The following CAMK2D variants were observed in gnomAD, a reference collection of about 807,000 sequenced individuals.
CAMK2D encodes calcium/calmodulin-dependent protein kinase type II subunit delta.
In CAMK2D, 37 loss-of-function variants were observed where a neutral mutation model predicts 84.0. The ratio of observed to expected loss-of-function variants is 0.44; its 90% confidence interval spans 0.34 to 0.58. The LOEUF is 0.58. Ranked by LOEUF, CAMK2D falls within the 20% of genes least tolerant of loss-of-function variation. The pLI, the probability that CAMK2D is intolerant of heterozygous loss-of-function variation, is 0.02. For missense variants in CAMK2D, 448 were observed against 652.5 expected, an observed-to-expected ratio of 0.69 and a Z score of 3.41; for synonymous variants, 202 against 212.5, an observed-to-expected ratio of 0.95 and a Z score of 0.43.
At chr4:113,651,698 A>AT (rs1415919580) in intron 3 of CAMK2D, among the ~76,000 whole-genome samples, 1 of 152,156 alleles carries the variant, frequency 6.6e-6, no homozygotes, top group African/African-American at 2.4e-5. Flanking sequence ...CATTGTACAA[A>AT]TTATATTAAT....
intron 3 of CAMK2D, among the ~76,000 whole-genome samples, chr4:113,650,390 G>A (rs1447991053): frequency 6.6e-6 from 1 of 151,470 alleles, no homozygotes; most frequent in African/African-American, 2.4e-5. Flanking sequence ...GGTGGTGCAT[G>A]CCTGTAATCC....
intron 7 of CAMK2D, among the ~76,000 whole-genome samples, chr4:113,533,973 T>C (rs2098474007): frequency 6.6e-6 from 1 of 152,040 alleles, no homozygotes; most frequent in African/African-American, 2.4e-5. Context: ...ATACATACTA[T>C]GTTTTTTCTT....
chr4:113,707,716 G>C (rs749012231), intron 2 of CAMK2D, among the ~76,000 whole-genome samples: 17 of 152,188 alleles, frequency 1.1e-4, no homozygotes, highest in Non-Finnish European at 2.4e-4. Context: ...TACTCCAAAT[G>C]ATAGGGGGCA....
chr4:113,500,176 C>T (rs963947356), intron 16 of CAMK2D, among the ~76,000 whole-genome samples: 1 of 152,022 alleles, frequency 6.6e-6, no homozygotes, highest in African/African-American at 2.4e-5. Flanking sequence ...TTGTTATGTT[C>T]CTATAACTAG....
intron 4 of CAMK2D, among the ~76,000 whole-genome samples, chr4:113,556,268 G>C (rs934525167): frequency 4.6e-5 from 7 of 152,152 alleles, no homozygotes; most frequent in Admixed American, 1.3e-4. Flanking sequence ...ACAAAAGAAA[G>C]GAAAAGGACT....
Position 113,492,392 on chromosome 4 carries a change from A to G in CAMK2D, c.1135+8071T>C, listed in dbSNP as rs1380658636. Among the ~76,000 whole-genome samples, 23 of 152,088 alleles carry G rather than the reference A, an allele frequency of 1.5e-4. No homozygotes were observed. In the South Asian group the frequency reaches 4.6e-3, roughly 30 times the overall value. On this transcript the variant is annotated intron_variant, in intron 16 of 20. Coordinates refer to ENST00000511664, the MANE Select transcript of CAMK2D (RefSeq NM_001321571.2). ...ACATCTTTATTTCTGCCTTCATTTC[A>G]CTATGTACCCAGTAGTCATTCAGGA... is the stretch of plus-strand genomic sequence containing the variant.
intron 12 of CAMK2D, among the ~76,000 whole-genome samples, chr4:113,511,989 T>TAAC (rs1300210426): frequency 6.6e-6 from 1 of 152,184 alleles, no homozygotes; most frequent in Middle Eastern, 3.2e-3. Context: ...TATTACCTGA[T>TAAC]AACACTATAA....
chr4:113,761,410 A>G lies in CAMK2D; in HGVS notation c.-342T>C, dbSNP rs8175. On this transcript the variant is annotated 5_prime_UTR_variant, in exon 1 of 21. Transcript: ENST00000511664. Reference sequence around the variant, plus strand: ...TCAAGAAGAGGGGGCCGGGAAATGGAAAAACAGCCAGGCACGGGACGAGTG... The same window carrying G: ...TCAAGAAGAGGGGGCCGGGAAATGGGAAAACAGCCAGGCACGGGACGAGTG... 143,758 of 1,224,870 alleles carry G rather than the reference A, an allele frequency of 0.12. 9,006 individuals are homozygous for G. Among genetic ancestry groups the G allele is most frequent in the Middle Eastern group, 0.18 (514 of 2,882 alleles). 75.9% of individuals were successfully genotyped at this position (1,224,870 alleles called of 1,614,324 possible).
At chr4:113,666,432 T>A (rs1016311) in intron 2 of CAMK2D, among the ~76,000 whole-genome samples, 10,457 of 152,122 alleles carry the variant, frequency 0.069, 571 homozygotes, top group East Asian at 0.22. Context: ...TGTAATCCAG[T>A]GAAGTCCTCA....
At chr4:113,584,812 C>G (rs1189383316) in intron 4 of CAMK2D, among the ~76,000 whole-genome samples, 4 of 151,972 alleles carry the variant, frequency 2.6e-5, no homozygotes, top group African/African-American at 9.7e-5. Context: ...AACACAATAG[C>G]TAAGCAACAA....
At chr4:113,617,331 C>A (rs1453139033) in intron 3 of CAMK2D, among the ~76,000 whole-genome samples, 1 of 151,828 alleles carries the variant, frequency 6.6e-6, no homozygotes, top group African/African-American at 2.4e-5. Context: ...GGTGTGGTCA[C>A]CCATGCCTGT....
chr4:113,454,489 T>G lies in CAMK2D; in HGVS notation c.*56A>C, dbSNP rs1564346336. The G allele has an allele frequency of 1.3e-6, 1 of 778,860 alleles. No individual in the cohort carries two copies. 48.2% of individuals were successfully genotyped at this position (778,860 alleles called of 1,614,324 possible). On this transcript the variant is annotated 3_prime_UTR_variant, in exon 21 of 21. Coordinates refer to ENST00000511664, the MANE Select transcript of CAMK2D (RefSeq NM_001321571.2). ...ATCCAGGTGCCTTGAGAACAGAGAA[T>G]GCAGAAGTGGCACTGTTGAAATTTA...
At chr4:113,603,194 T>C (rs1451920834) in intron 4 of CAMK2D, among the ~76,000 whole-genome samples, 2 of 152,022 alleles carry the variant, frequency 1.3e-5, no homozygotes, top group African/African-American at 4.8e-5. Context: ...TAAAGATGAC[T>C]TTGCGTTATT....
intron 2 of CAMK2D, among the ~76,000 whole-genome samples, chr4:113,733,830 TC>T (rs113507472): frequency 0.11 from 15,985 of 152,184 alleles, 1,376 homozygotes; most frequent in African/African-American, 0.24. Context: ...ATAATGAGCC[TC>T]TTTAAAAGGT....
chr4:113,687,636 T>G (rs1243538892), intron 2 of CAMK2D, among the ~76,000 whole-genome samples: 1 of 152,344 alleles, frequency 6.6e-6, no homozygotes, highest in East Asian at 1.9e-4. Flanking sequence ...TTTCGGTCTC[T>G]AAGGGTTTTT....
At chr4:113,574,202 C>A (rs1242864426) in intron 4 of CAMK2D, among the ~76,000 whole-genome samples, 1 of 152,138 alleles carries the variant, frequency 6.6e-6, no homozygotes, top group African/African-American at 2.4e-5. Flanking sequence ...TTCTTCATTC[C>A]CTATCCCACA....
Position 113,455,764 on chromosome 4 carries a change from T to C in CAMK2D, c.1593A>G (p.Gln531=). 6.2e-7 allele frequency: 1 copy of C among 1,612,344 alleles called. No individual in the cohort carries two copies. The highest frequency in any genetic ancestry group is 1.1e-5 in the South Asian group (1 of 91,014). The change falls in exon 20 of 21, where the codon CAA becomes CAG. Residue 531 remains glutamine (Q), a synonymous_variant. Transcript: ENST00000511664. ...GAATGGTTTTCAGGCCTTAGATGTT[T>C]TGCCACAAAGAGGTGCCTCCTGAGA... The part of the protein sequence containing the change: ...ENFSGGTSLW[Q]NI
At chr4:113,656,725 CTT>C (rs1222170647) in intron 3 of CAMK2D, among the ~76,000 whole-genome samples, 4 of 152,094 alleles carry the variant, frequency 2.6e-5, no homozygotes, top group African/African-American at 9.7e-5. Flanking sequence ...GCCTGAAACT[CTT>C]TTCTCTTTTT....
intron 2 of CAMK2D, among the ~76,000 whole-genome samples, chr4:113,703,924 T>G (rs890857818): frequency 1.1e-4 from 2 of 18,952 alleles, no homozygotes; most frequent in African/African-American, 4.2e-4. Context: ...TCTTATGACC[T>G]TTTTTTTTTT....
Sources: gnomAD v4.1 joint callset for allele counts (sites outside exome capture counted in the v4.1 genomes callset) on GRCh38, gnomAD v4.1.1 for gene constraint, MANE v1.5 for transcripts, NCBI Gene and HGNC (gene_info 2026-07-23, HGNC 2026-07-21) for gene names.